KCNH5: variants seen among roughly 807,000 people sequenced by gnomAD.
KCNH5 encodes voltage-gated delayed rectifier potassium channel KCNH5.
A neutral mutation model predicts 96.1 loss-of-function variants in KCNH5; 46 were observed. That is an observed-to-expected ratio of 0.48 (90% CI 0.38 to 0.61). The LOEUF (loss-of-function observed/expected upper bound fraction) is 0.61, where lower values mean the gene tolerates loss of function less well. Among genes scored for constraint, KCNH5 ranks in the 20% least tolerant of loss-of-function variants. The pLI is 0.00. For missense variants in KCNH5, 907 were observed against 1,225.8 expected, an observed-to-expected ratio of 0.74 and a Z score of 3.88; for synonymous variants, 439 against 449.8, an observed-to-expected ratio of 0.98 and a Z score of 0.30.
chr14:62,710,775 T>A (rs1884550333), intron 10 of KCNH5, among the ~76,000 whole-genome samples: 2 of 152,170 alleles, frequency 1.3e-5, no homozygotes, highest in South Asian at 2.1e-4. Flanking sequence ...CACAGGAAGG[T>A]CAGGTAAAAT....
At chr14:62,759,579 T>TTTTTTTTTTTTTTTTTTTTTTTTG in intron 10 of KCNH5, among the ~76,000 whole-genome samples, 1 of 93,726 alleles carries the variant, frequency 1.1e-5, no homozygotes, top group South Asian at 6.7e-4. Flanking sequence ...GTATATTTTT[T>TTTTTTTTTTTTTTTTTTTTTTTTG]AATAATTACA....
chr14:62,964,376 A>G (rs1890266918), intron 6 of KCNH5, among the ~76,000 whole-genome samples: 1 of 152,048 alleles, frequency 6.6e-6, no homozygotes, highest in Non-Finnish European at 1.5e-5. Flanking sequence ...ATGCTTTCCA[A>G]CATGTTCACC....
chr14:63,026,057 C>T (rs116156526), intron 1 of KCNH5, among the ~76,000 whole-genome samples: 3 of 151,926 alleles, frequency 2.0e-5, no homozygotes, highest in African/African-American at 7.2e-5. Context: ...AGAAATCAAG[C>T]CACACATTTA....
intron 4 of KCNH5, among the ~76,000 whole-genome samples, chr14:62,988,706 A>G (rs111458648): frequency 2.0e-5 from 3 of 149,938 alleles, no homozygotes; most frequent in African/African-American, 7.4e-5. Flanking sequence ...ACAAAAAAAA[A>G]GGGTATTAGA....
Position 62,757,352 on chromosome 14 carries a change from A to G in KCNH5, c.2019+22376T>C, listed in dbSNP as rs150479271. Among the ~76,000 whole-genome samples, 523 of 152,316 alleles carry G rather than the reference A, an allele frequency of 3.4e-3. 2 individuals are homozygous for G. Among genetic ancestry groups the G allele is most frequent in the African/African-American group, 0.012 (512 of 41,578 alleles). ...TTGTATACTGTTGGTCGGAATGTAA[A>G]TTAGTACAGCACTATGGAGAACAGT... On this transcript the variant is annotated intron_variant, in intron 10 of 10. Coordinates refer to ENST00000322893, the MANE Select transcript of KCNH5 (RefSeq NM_139318.5).
At chr14:62,823,880 T>G (rs1311357186) in intron 8 of KCNH5, among the ~76,000 whole-genome samples, 4 of 152,082 alleles carry the variant, frequency 2.6e-5, no homozygotes, top group Non-Finnish European at 5.9e-5. Context: ...AATCTACTCA[T>G]TATTTCCTCT....
intron 9 of KCNH5, among the ~76,000 whole-genome samples, chr14:62,798,069 T>C (rs1282515589): frequency 6.6e-6 from 1 of 152,108 alleles, no homozygotes; most frequent in Non-Finnish European, 1.5e-5. Context: ...TTAATTCGAG[T>C]GCTAAAGACT....
intron 6 of KCNH5, among the ~76,000 whole-genome samples, chr14:62,978,147 G>T (rs1255979007): frequency 5.3e-5 from 8 of 152,184 alleles, no homozygotes; most frequent in Admixed American, 4.6e-4. Flanking sequence ...TAGCTCTACA[G>T]AAAGTTTTTT....
intron 8 of KCNH5, among the ~76,000 whole-genome samples, chr14:62,808,021 C>T (rs890759871): frequency 3.9e-5 from 6 of 152,080 alleles, no homozygotes; most frequent in Admixed American, 6.6e-5. Context: ...TGCACTTCTG[C>T]CTGGTATATC....
chr14:62,792,608 T>A (rs1348767631), intron 9 of KCNH5, among the ~76,000 whole-genome samples: 6 of 151,746 alleles, frequency 4.0e-5, no homozygotes, highest in Non-Finnish European at 7.4e-5. Flanking sequence ...TCTCCTGTTT[T>A]CTTTTTCTAA....
chr14:62,909,402 G>A (rs747027628), intron 7 of KCNH5, among the ~76,000 whole-genome samples: 3 of 152,240 alleles, frequency 2.0e-5, no homozygotes, highest in African/African-American at 4.8e-5. Context: ...AGAACAGAAA[G>A]TTCTCACACA....
At chr14:62,740,246 A>G (rs947783771) in intron 10 of KCNH5, among the ~76,000 whole-genome samples, 5 of 152,184 alleles carry the variant, frequency 3.3e-5, no homozygotes, top group South Asian at 2.1e-4. Context: ...TTGTGAGGGT[A>G]TATTTGATTA....
chr14:62,913,124 T>C (rs2140102377), intron 7 of KCNH5, among the ~76,000 whole-genome samples: 1 of 152,350 alleles, frequency 6.6e-6, no homozygotes, highest in African/African-American at 2.4e-5. Context: ...TCAAGATTAA[T>C]GAAGCTGCAG....
At chr14:62,829,856 C>T (rs1887306393) in intron 8 of KCNH5, among the ~76,000 whole-genome samples, 1 of 152,196 alleles carries the variant, frequency 6.6e-6, no homozygotes, top group African/African-American at 2.4e-5. Flanking sequence ...ACCACATGGT[C>T]AGGCTGCAAA....
intron 7 of KCNH5, among the ~76,000 whole-genome samples, chr14:62,948,743 T>G (rs1448639777): frequency 6.6e-6 from 1 of 150,454 alleles, no homozygotes; most frequent in Non-Finnish European, 1.5e-5. Context: ...TGATGAACAT[T>G]GATGCAAAAA....
chr14:62,805,091 A>T (rs1279671362), intron 8 of KCNH5, among the ~76,000 whole-genome samples: 1 of 152,216 alleles, frequency 6.6e-6, no homozygotes, highest in Non-Finnish European at 1.5e-5. Context: ...ATTTAAATAC[A>T]TACACACATA....
intron 7 of KCNH5, among the ~76,000 whole-genome samples, chr14:62,928,396 CAATT>C (rs1889516391): frequency 6.6e-6 from 1 of 152,040 alleles, no homozygotes; most frequent in Admixed American, 6.6e-5. Context: ...TTATGACTGA[CAATT>C]AATGAGCACC....
At chr14:62,919,838 T>G (rs1889347274) in intron 7 of KCNH5, among the ~76,000 whole-genome samples, 1 of 151,938 alleles carries the variant, frequency 6.6e-6, no homozygotes, top group African/African-American at 2.4e-5. Flanking sequence ...GACAGTCAAA[T>G]AGTCTACTGA....
intron 8 of KCNH5, among the ~76,000 whole-genome samples, chr14:62,816,272 A>T (rs1330314391): frequency 1.3e-5 from 2 of 151,992 alleles, no homozygotes; most frequent in African/African-American, 2.4e-5. Flanking sequence ...TTATAGATTT[A>T]TATAAGTATA....
Sources: allele counts gnomAD v4.1 joint callset (sites outside exome capture counted in the v4.1 genomes callset), GRCh38; gene constraint gnomAD v4.1.1; transcripts MANE v1.5; gene names NCBI Gene and HGNC (gene_info 2026-07-23, HGNC 2026-07-21).